The following TTLL6 variants were observed in gnomAD, a reference collection of about 807,000 sequenced individuals.
TTLL6 encodes the protein tubulin tyrosine ligase like 6.
Under a neutral mutation model 96.4 loss-of-function variants are expected in TTLL6, and 75 were observed. The observed-to-expected ratio is 0.78, with a 90% confidence interval of 0.65 to 0.94. The LOEUF is 0.94. Ranked by LOEUF, TTLL6 falls within the 40% of genes least tolerant of loss-of-function variation. The pLI is 0.00. For missense variants in TTLL6, 1,030 were observed against 1,093.0 expected, an observed-to-expected ratio of 0.94 and a Z score of 0.81; for synonymous variants, 411 against 419.4, an observed-to-expected ratio of 0.98 and a Z score of 0.24.
At position 48,810,825 on chromosome 17, in the gene TTLL6, G is replaced by GTGTATATATATA. The variant is rs368085735; in HGVS notation, c.104-5835_104-5834insTATATATATACA. On this transcript the variant is annotated intron_variant, in intron 1 of 15. Transcript: ENST00000393382. ...ATATACACATATATAGTATGTGTGT[G>GTGTATATATATA]TATATATATATATATATATATATAT... 1.1e-3 allele frequency among the ~76,000 whole-genome samples: 89 copies of GTGTATATATATA among 84,334 alleles called. 1 individual carries two copies. Among genetic ancestry groups the GTGTATATATATA allele is most frequent in the African/African-American group, 1.7e-3 (41 of 24,682 alleles). 55.3% of individuals were successfully genotyped at this position (84,334 alleles called of 152,430 possible). A position where few individuals can be genotyped will look rare whatever the true frequency, so the allele number is the denominator to read the frequency against.
chr17:48,767,471 CTGGG>C (rs71822134), intron 15 of TTLL6, among the ~76,000 whole-genome samples: 17,437 of 152,058 alleles, frequency 0.11, 1,901 homozygotes, highest in East Asian at 0.64. Context: ...ATCAGAATTT[CTGGG>C]AGAAGGCCCT....
At position 48,786,266 on chromosome 17, in the gene TTLL6, C is replaced by T; in HGVS notation, c.1659G>A (p.Met553Ile). The T allele has an allele frequency of 6.2e-7, 1 of 1,614,270 alleles. No homozygotes were observed. The highest frequency in any genetic ancestry group is 1.1e-5 in the South Asian group (1 of 91,086). ...KPFQMKKKVE[M>I]QGESAGEQVR... ...CTTGCTCGCCTGCCGATTCCCCCTG[C>T]ATCTCTACCTTCTTCTTCATTTGGA... The change falls in exon 12 of 16, where the codon ATG becomes ATA. Residue 553 changes from methionine to isoleucine, a missense_variant. By Grantham distance (10) the Met-to-Ile change is conservative. Transcript: ENST00000393382.
At chr17:48,773,413 T>C (rs916719198) in intron 13 of TTLL6, among the ~76,000 whole-genome samples, 2 of 152,204 alleles carry the variant, frequency 1.3e-5, no homozygotes, top group African/African-American at 4.8e-5. Context: ...GTATAAATCT[T>C]CCACCTTTTA....
intron 8 of TTLL6, among the ~76,000 whole-genome samples, chr17:48,791,899 G>C (rs1216566457): frequency 3.3e-5 from 5 of 152,186 alleles, no homozygotes; most frequent in Admixed American, 6.5e-5. Context: ...ATCAGCAGGG[G>C]AAGGGATGAG....
At position 48,801,751 on chromosome 17, in the gene TTLL6, C is replaced by T. The variant is rs186124002; in HGVS notation, c.362-108G>A. On this transcript the variant is annotated intron_variant, in intron 3 of 15. Coordinates refer to ENST00000393382, the MANE Select transcript of TTLL6 (RefSeq NM_001130918.3). ...GACCAAGTACTGAAGCAAAAAATCTCGGCTCCTCGAGACTGGAAGCCATCT... is the reference window on the plus strand; with the variant it reads ...GACCAAGTACTGAAGCAAAAAATCTTGGCTCCTCGAGACTGGAAGCCATCT... The T allele has an allele frequency of 1.4e-4, 117 of 855,754 alleles. 2 individuals are homozygous for T. The highest frequency in any genetic ancestry group is 3.4e-4 in the African/African-American group (20 of 58,878). 53.0% of individuals were successfully genotyped at this position (855,754 alleles called of 1,614,324 possible). A position where few individuals can be genotyped will look rare whatever the true frequency, so the allele number is the denominator to read the frequency against.
chr17:48,782,776 C>T (rs7206962), intron 13 of TTLL6, among the ~76,000 whole-genome samples: 46,289 of 151,640 alleles, frequency 0.31, 7,300 homozygotes, highest in Admixed American at 0.41. Context: ...TGCAATGGCA[C>T]GATCTTGGCT....
At chr17:48,789,203 A>G (rs1241472187) in intron 10 of TTLL6, among the ~76,000 whole-genome samples, 1 of 152,152 alleles carries the variant, frequency 6.6e-6, no homozygotes, top group Non-Finnish European at 1.5e-5. Flanking sequence ...TCCATTATAT[A>G]TAGCTATATA....
intron 1 of TTLL6, among the ~76,000 whole-genome samples, chr17:48,805,556 C>T (rs2039493084): frequency 6.6e-6 from 1 of 152,190 alleles, no homozygotes; most frequent in Admixed American, 6.5e-5. Context: ...ACAGAGAAGG[C>T]TGTGTCTCTC....
chr17:48,777,925 T>C (rs1057090695), intron 13 of TTLL6, among the ~76,000 whole-genome samples: 18 of 146,484 alleles, frequency 1.2e-4, no homozygotes, highest in African/African-American at 5.1e-5. Context: ...AGAAAAAACA[T>C]AGGAGAACAT....
intron 13 of TTLL6, among the ~76,000 whole-genome samples, chr17:48,777,793 C>G (rs1378946682): frequency 1.3e-5 from 2 of 151,642 alleles, no homozygotes; most frequent in African/African-American, 4.8e-5. Flanking sequence ...CGCCTGTAGT[C>G]CCAGCTCCTC....
At chr17:48,814,318 CAAAAAAAAA>C (rs398030988) in intron 1 of TTLL6, among the ~76,000 whole-genome samples, 1 of 52,870 alleles carries the variant, frequency 1.9e-5, no homozygotes, top group South Asian at 1.0e-3. Context: ...GACAGTGTCT[CAAAAAAAAA>C]AAAAAAAAAA....
chr17:48,799,790 T>G (rs1433652555), intron 5 of TTLL6, 30 bp from the exon 6 acceptor site: 1 of 1,542,886 alleles, frequency 6.5e-7, no homozygotes, highest in Non-Finnish European at 8.8e-7. Flanking sequence ...ACAAGATACA[T>G]CTTTAGCTGG....
At chr17:48,815,469 T>C (rs1567740702) in intron 1 of TTLL6, 1 of 152,260 alleles carries the variant, frequency 6.6e-6, no homozygotes, top group East Asian at 1.9e-4. Flanking sequence ...TGCTTTCAGC[T>C]TTGCCCCTCC....
intron 13 of TTLL6, among the ~76,000 whole-genome samples, chr17:48,770,673 C>T (rs1035582785): frequency 3.3e-5 from 5 of 151,818 alleles, no homozygotes; most frequent in Non-Finnish European, 7.4e-5. Context: ...TGCGCCACCA[C>T]ATCTGGCTTT....
intron 1 of TTLL6, among the ~76,000 whole-genome samples, chr17:48,807,602 C>G (rs2039522708): frequency 6.6e-6 from 1 of 151,590 alleles, no homozygotes; most frequent in African/African-American, 2.4e-5. Flanking sequence ...ACCTCTGCCT[C>G]CTGGGTTCAA....
At position 48,791,360 on chromosome 17, in the gene TTLL6, T is replaced by A. The variant is rs371231896; in HGVS notation, c.1224+18A>T. 305 of 1,610,224 alleles carry A rather than the reference T, an allele frequency of 1.9e-4. No individual in the cohort carries two copies. Among genetic ancestry groups the A allele is most frequent in the Non-Finnish European group, 2.4e-4 (280 of 1,177,092 alleles). On this transcript the variant is annotated intron_variant, in intron 9 of 15. Transcript: ENST00000393382. Reference sequence around the variant, plus strand: ...AATAACAGGAGTTCGTTTTCGCCCCTCGCCCAAACTTCCCTACCTCCAGCA... The same window carrying A: ...AATAACAGGAGTTCGTTTTCGCCCCACGCCCAAACTTCCCTACCTCCAGCA...
Position 48,769,969 on chromosome 17 carries a change from G to T in TTLL6, c.2169C>A (p.Ser723=). 6.2e-7 allele frequency: 1 copy of T among 1,614,132 alleles called. No homozygotes were observed. The highest frequency in any genetic ancestry group is 8.5e-7 in the Non-Finnish European group (1 of 1,180,026). ...YSGPETDRVV[S]FKCKKQQTPP... ...GGGTCTGCTGCTTCTTGCATTTAAA[G>T]GATACCACCCTGTCCGTCTCTGGGC... The change falls in exon 14 of 16, where the codon TCC becomes TCA. Residue 723 remains serine (S), a synonymous_variant. Transcript: ENST00000393382.
intron 1 of TTLL6, chr17:48,812,204 T>C (rs539538920): frequency 6.6e-6 from 1 of 152,114 alleles, no homozygotes; most frequent in East Asian, 1.9e-4. Context: ...ATTTTGTTGG[T>C]GCCAACACCA....
chr17:48,764,837 G>A (rs2143153458), intron 15 of TTLL6, among the ~76,000 whole-genome samples: 1 of 152,272 alleles, frequency 6.6e-6, no homozygotes, highest in African/African-American at 2.4e-5. Flanking sequence ...CCAGTTCTGA[G>A]ATCTGGTGAC....
Sources: gnomAD v4.1 joint callset for allele counts (sites outside exome capture counted in the v4.1 genomes callset) on GRCh38, gnomAD v4.1.1 for gene constraint, MANE v1.5 for transcripts, NCBI Gene and HGNC (gene_info 2026-07-23, HGNC 2026-07-21) for gene names.